NEDD9: variants seen among roughly 807,000 people sequenced by gnomAD.
NEDD9 encodes neural precursor cell expressed, developmentally down-regulated 9, also known as enhancer of filamentation 1.
A neutral mutation model predicts 76.6 loss-of-function variants in NEDD9; 26 were observed. That is an observed-to-expected ratio of 0.34 (90% CI 0.25 to 0.47). NEDD9 has a LOEUF of 0.47. Ranked by LOEUF, NEDD9 falls within the 20% of genes least tolerant of loss-of-function variation. The pLI is 1.00. For missense variants in NEDD9, 937 were observed against 1,058.5 expected, an observed-to-expected ratio of 0.89 and a Z score of 1.59; for synonymous variants, 392 against 414.2, an observed-to-expected ratio of 0.95 and a Z score of 0.65.
intron 1 of NEDD9, among the ~76,000 whole-genome samples, chr6:11,355,794 C>T (rs756606222): frequency 1.3e-5 from 2 of 152,070 alleles, no homozygotes; most frequent in African/African-American, 2.4e-5. Context: ...GATCTCCGCT[C>T]ACTGCAAGCT....
rs918168330 is a variant in NEDD9, at chr6:11,252,581, G to A, written c.13-38854C>T. ...ACCCTGTAGAGAGCAGAAAGGAGCT[G>A]GTAGGAAATAGACATCTTAGGTCCA... is the stretch of plus-strand genomic sequence containing the variant. On this transcript the variant is annotated intron_variant, in intron 3 of 3. Coordinates refer to the NEDD9 transcript ENST00000397378. The surrounding 1 kb of genome is among the most constrained non-coding windows in gnomAD (Gnocchi z 4.3). Among the ~76,000 whole-genome samples, 4 of 152,198 alleles carry A rather than the reference G, an allele frequency of 2.6e-5. No homozygotes were observed. The highest frequency in any genetic ancestry group is 4.4e-5 in the Non-Finnish European group (3 of 68,032).
At chr6:11,253,275 G>A (rs2113309472) in intron 3 of NEDD9, among the ~76,000 whole-genome samples, 1 of 152,320 alleles carries the variant, frequency 6.6e-6, no homozygotes, top group South Asian at 2.1e-4. Context: ...AGGAGGAAAA[G>A]ATATAATGAA....
chr6:11,318,436 G>A (rs150334936), intron 2 of NEDD9, among the ~76,000 whole-genome samples: 4 of 152,238 alleles, frequency 2.6e-5, no homozygotes, highest in Admixed American at 6.5e-5. Flanking sequence ...GTGGGGAGAC[G>A]GCGGGTCACT....
intron 2 of NEDD9, chr6:11,200,620 A>G (rs1758419189): frequency 2.7e-6 from 3 of 1,114,516 alleles, no homozygotes; most frequent in Non-Finnish European, 3.3e-6. Context: ...TGAAGATTTA[A>G]TCATTCCTAA....
At chr6:11,225,481 TG>T (rs1448228720) in intron 1 of NEDD9, among the ~76,000 whole-genome samples, 8 of 152,082 alleles carry the variant, frequency 5.3e-5, no homozygotes, top group Non-Finnish European at 1.2e-4. Context: ...AGAGACTAGC[TG>T]TTTTGTTTGT....
intron 2 of NEDD9, among the ~76,000 whole-genome samples, chr6:11,316,382 C>T (rs1260275368): frequency 6.6e-6 from 1 of 152,168 alleles, no homozygotes; most frequent in Non-Finnish European, 1.5e-5. Flanking sequence ...CTTCATCTCC[C>T]TTTACTCTCA....
Position 11,355,759 on chromosome 6 carries a change from C to T in NEDD9, c.-213-21198G>A, listed in dbSNP as rs542600165. ...TTTTTGAGACAGAGTCTCGCTCTGT[C>T]GCCCAGGCTGGAGGGCAGTGGCGCG... On this transcript the variant is annotated intron_variant, in intron 1 of 3. Coordinates refer to the NEDD9 transcript ENST00000397378. 1.6e-4 allele frequency among the ~76,000 whole-genome samples: 25 copies of T among 151,788 alleles called. No homozygotes were observed. In the South Asian group the frequency reaches 3.1e-3, roughly 19 times the overall value.
upstream of NEDD9, among the ~76,000 whole-genome samples, chr6:11,232,892 C>A (rs973223424): frequency 6.6e-6 from 1 of 151,982 alleles, no homozygotes; most frequent in Non-Finnish European, 1.5e-5. Flanking sequence ...CTCCCGCCCC[C>A]GCCAAAAAAG....
intron 2 of NEDD9, chr6:11,200,784 T>C (rs1758424920): frequency 7.0e-7 from 1 of 1,427,044 alleles, no homozygotes; most frequent in South Asian, 1.5e-5. Flanking sequence ...TACTGTTTTC[T>C]GCTGTTCGTA....
In NEDD9 at chr6:11,305,252, A is replaced by C. The variant is rs190278869; in HGVS notation, c.12+740T>G. ...TGAGTTACTCTATGTGCATTTTCTCATTTCATCCTCTGAACAATCTTCCTG... is the reference window on the plus strand; with the variant it reads ...TGAGTTACTCTATGTGCATTTTCTCCTTTCATCCTCTGAACAATCTTCCTG... On this transcript the variant is annotated intron_variant, in intron 3 of 3. Coordinates refer to the NEDD9 transcript ENST00000397378. 6.5e-5 allele frequency: 46 copies of C among 704,284 alleles called. No individual in the cohort carries two copies. In the Admixed American group the frequency reaches 1.1e-3, roughly 17 times the overall value. 43.6% of individuals were successfully genotyped at this position (704,284 alleles called of 1,614,324 possible). A position where few individuals can be genotyped will look rare whatever the true frequency, so the allele number is the denominator to read the frequency against.
At chr6:11,307,811 C>T (rs937259009) in intron 2 of NEDD9, among the ~76,000 whole-genome samples, 11 of 152,172 alleles carry the variant, frequency 7.2e-5, no homozygotes, top group African/African-American at 2.4e-4. Context: ...GAGCCCTTTC[C>T]AGTGCAACCC....
At position 11,183,844 on chromosome 6, in the gene NEDD9, C is replaced by T. The variant is rs1312974625; in HGVS notation, c.*1318G>A. 1.3e-5 allele frequency: 2 copies of T among 152,212 alleles called. No homozygotes were observed. The highest frequency in any genetic ancestry group is 3.8e-4 in the East Asian group (2 of 5,206). 9.4% of individuals were successfully genotyped at this position (152,212 alleles called of 1,614,324 possible). A position where few individuals can be genotyped will look rare whatever the true frequency, so the allele number is the denominator to read the frequency against. The stretch of plus-strand genomic sequence containing the variant: ...AGATCATAGATAATGTGCTTCTTCT[C>T]TTGGTAATATGTGAATACATTTACC... On this transcript the variant is annotated 3_prime_UTR_variant, in exon 7 of 7. Coordinates refer to ENST00000379446, the MANE Select transcript of NEDD9 (RefSeq NM_006403.4).
At chr6:11,319,704 GCACACACAAACATGCACACTCA>G (rs1561832865) in intron 2 of NEDD9, among the ~76,000 whole-genome samples, 1 of 118,374 alleles carries the variant, frequency 8.4e-6, no homozygotes, top group African/African-American at 3.2e-5. Flanking sequence ...ACACAAACAT[GCACACACAAACATGCACACTCA>G]CACACTAACA....
intron 2 of NEDD9, among the ~76,000 whole-genome samples, chr6:11,325,911 C>T (rs530165506): frequency 1.1e-3 from 171 of 152,184 alleles, no homozygotes; most frequent in African/African-American, 3.5e-3. Flanking sequence ...TTTGGGAGGC[C>T]GAGGCGGGCG....
At chr6:11,373,872 C>T (rs552854593) in intron 1 of NEDD9, among the ~76,000 whole-genome samples, 2 of 152,180 alleles carry the variant, frequency 1.3e-5, no homozygotes, top group Non-Finnish European at 2.9e-5. Flanking sequence ...AGTTGAAGGC[C>T]TTAATAGAAA....
intron 3 of NEDD9, among the ~76,000 whole-genome samples, chr6:11,246,072 G>A (rs186914992): frequency 1.4e-3 from 208 of 152,234 alleles, no homozygotes; most frequent in African/African-American, 4.7e-3. Context: ...AGCGGGCAGG[G>A]ATGGGGATGG....
chr6:11,372,392 A>C (rs1251953962), intron 1 of NEDD9, among the ~76,000 whole-genome samples: 1 of 152,102 alleles, frequency 6.6e-6, no homozygotes, highest in East Asian at 1.9e-4. Context: ...TCCTTTATCC[A>C]TTTATTTGTT....
At chr6:11,266,242 A>AC (rs1760199044) in intron 3 of NEDD9, among the ~76,000 whole-genome samples, 1 of 151,688 alleles carries the variant, frequency 6.6e-6, no homozygotes, top group Admixed American at 6.6e-5. Context: ...GTGATTTTGC[A>AC]CCCCTCCCCC....
intron 1 of NEDD9, among the ~76,000 whole-genome samples, chr6:11,375,815 C>G (rs1364240648): frequency 6.6e-6 from 1 of 151,746 alleles, no homozygotes. Context: ...GTCAATCAAC[C>G]CTTTTTTCTT....
Sources: allele counts gnomAD v4.1 joint callset (sites outside exome capture counted in the v4.1 genomes callset), GRCh38; gene constraint gnomAD v4.1.1; non-coding constraint Gnocchi (gnomAD v3.1); transcripts MANE v1.5; gene names NCBI Gene and HGNC (gene_info 2026-07-23, HGNC 2026-07-21).